KPNA1: variants seen among roughly 807,000 people sequenced by gnomAD.
The protein encoded by KPNA1 is karyopherin subunit alpha 1, also known as importin subunit alpha-5.
A neutral mutation model predicts 70.5 loss-of-function variants in KPNA1; 10 were observed. That is an observed-to-expected ratio of 0.14 (90% CI 0.09 to 0.24). KPNA1 has a LOEUF of 0.24. Ranked by LOEUF, KPNA1 falls within the 10% of genes least tolerant of loss-of-function variation. KPNA1 has a pLI of 1.00. For synonymous variants in KPNA1, 192 were observed against 221.9 expected (o/e 0.87, Z 1.20); for missense variants, 397 against 637.9 (o/e 0.62, Z 4.07).
At chr3:122,431,042 CTTT>C (rs575191498) in intron 12 of KPNA1, among the ~76,000 whole-genome samples, 76 of 152,328 alleles carry the variant, frequency 5.0e-4, no homozygotes, top group Middle Eastern at 3.4e-3. Flanking sequence ...AGTTTCACTT[CTTT>C]GATGAATGTT....
At position 122,461,843 on chromosome 3, in the gene KPNA1, T is replaced by C. The variant is rs528997002; in HGVS notation, c.338-525A>G. 3.2e-4 allele frequency among the ~76,000 whole-genome samples: 49 copies of C among 152,332 alleles called. 2 individuals are homozygous for C. In the South Asian group the frequency reaches 7.0e-3, roughly 22 times the overall value. The stretch of plus-strand genomic sequence containing the variant: ...TCATTCATGATAATACAGTATCCTA[T>C]AAATGATGTCACTCAATAAAAACTT... On this transcript the variant is annotated intron_variant, in intron 4 of 13. Transcript: ENST00000344337.
intron 1 of KPNA1, among the ~76,000 whole-genome samples, chr3:122,500,639 G>A (rs370404259): frequency 3.6e-4 from 55 of 151,968 alleles, no homozygotes; most frequent in African/African-American, 1.2e-3. Context: ...TGGGACTACA[G>A]GTGCATGCCC....
intron 2 of KPNA1, among the ~76,000 whole-genome samples, chr3:122,468,189 C>T (rs1242006639): frequency 6.6e-6 from 1 of 152,090 alleles, no homozygotes; most frequent in Non-Finnish European, 1.5e-5. Flanking sequence ...CAAGATAAGC[C>T]CCAATACTGC....
intron 2 of KPNA1, among the ~76,000 whole-genome samples, chr3:122,480,915 G>C (rs1205844028): frequency 2.6e-5 from 4 of 152,100 alleles, no homozygotes; most frequent in Non-Finnish European, 5.9e-5. Flanking sequence ...CTTGACCCTG[G>C]GAGCTCAAAG....
At chr3:122,442,800 CAT>C (rs2076081537) in intron 9 of KPNA1, 1 of 152,292 alleles carries the variant, frequency 6.6e-6, no homozygotes, top group African/African-American at 2.4e-5. Flanking sequence ...TCAAATTTAA[CAT>C]GTGATGATTA....
chr3:122,448,954 A>C (rs2076170168), intron 9 of KPNA1, among the ~76,000 whole-genome samples: 1 of 152,210 alleles, frequency 6.6e-6, no homozygotes, highest in African/African-American at 2.4e-5. Flanking sequence ...GTATTAATAC[A>C]TTATAACTAT....
chr3:122,485,873 A>T (rs903012305), intron 2 of KPNA1, among the ~76,000 whole-genome samples: 1 of 152,252 alleles, frequency 6.6e-6, no homozygotes, highest in South Asian at 2.1e-4. Context: ...TTTTTAAAAA[A>T]GAAAAGATGC....
intron 1 of KPNA1, among the ~76,000 whole-genome samples, chr3:122,498,232 T>G (rs1175704550): frequency 6.6e-6 from 1 of 152,240 alleles, no homozygotes; most frequent in African/African-American, 2.4e-5. Context: ...GTGATAGTGT[T>G]TGAAGGTGAA....
At chr3:122,446,568 C>G (rs1273576006) in intron 9 of KPNA1, among the ~76,000 whole-genome samples, 2 of 152,226 alleles carry the variant, frequency 1.3e-5, no homozygotes, top group African/African-American at 4.8e-5. Flanking sequence ...CAAGAGAAAG[C>G]AGGAAAGATC....
At chr3:122,464,285 A>G (rs1412680866) in intron 3 of KPNA1, 2 of 345,658 alleles carry the variant, frequency 5.8e-6, no homozygotes, top group Admixed American at 4.7e-5. Context: ...TAAGACAAGG[A>G]GCTTATTGCT....
chr3:122,514,188 C>A (rs768133422), intron 1 of KPNA1, among the ~76,000 whole-genome samples: 4 of 152,246 alleles, frequency 2.6e-5, no homozygotes, highest in Non-Finnish European at 4.4e-5. Flanking sequence ...GTTATGACAT[C>A]GGTAAACTGC....
intron 3 of KPNA1, among the ~76,000 whole-genome samples, chr3:122,466,745 A>G (rs1412660749): frequency 3.3e-5 from 5 of 152,118 alleles, no homozygotes; most frequent in South Asian, 4.1e-4. Context: ...TGATGGCTCA[A>G]GCTTGTAATT....
intron 2 of KPNA1, among the ~76,000 whole-genome samples, chr3:122,491,799 G>A (rs1470964694): frequency 2.0e-5 from 2 of 97,624 alleles, no homozygotes; most frequent in Non-Finnish European, 2.3e-5. Flanking sequence ...TCATTTAATC[G>A]TTAGTTATAA....
At chr3:122,496,704 C>T (rs919127745) in intron 1 of KPNA1, 134 bp from the exon 2 acceptor site, 5 of 709,066 alleles carry the variant, frequency 7.1e-6, no homozygotes, top group Non-Finnish European at 1.2e-5. Flanking sequence ...TTCCCCTCCC[C>T]CACTCCTGTC....
At chr3:122,493,279 A>G (rs1301215723) in intron 2 of KPNA1, among the ~76,000 whole-genome samples, 2 of 152,142 alleles carry the variant, frequency 1.3e-5, no homozygotes, top group Non-Finnish European at 2.9e-5. Context: ...AGACATACAG[A>G]TTAAAAATAG....
At chr3:122,447,036 C>A (rs1228161383) in intron 9 of KPNA1, among the ~76,000 whole-genome samples, 3 of 152,094 alleles carry the variant, frequency 2.0e-5, no homozygotes, top group Non-Finnish European at 4.4e-5. Context: ...TAATAGCCTA[C>A]CAACCAAAAA....
chr3:122,477,050 G>A (rs1203001758), intron 2 of KPNA1, among the ~76,000 whole-genome samples: 3 of 151,946 alleles, frequency 2.0e-5, no homozygotes, highest in Admixed American at 2.0e-4. Flanking sequence ...TCAGATGAAT[G>A]GAGCAAAAAA....
intron 1 of KPNA1, among the ~76,000 whole-genome samples, chr3:122,500,733 G>A (rs764557658): frequency 3.1e-4 from 47 of 151,858 alleles, no homozygotes; most frequent in Admixed American, 1.1e-3. Context: ...CGAACTCCTG[G>A]GCTCAAGTGA....
intron 2 of KPNA1, among the ~76,000 whole-genome samples, chr3:122,473,084 A>T (rs2076460767): frequency 6.6e-6 from 1 of 152,152 alleles, no homozygotes; most frequent in Admixed American, 6.5e-5. Flanking sequence ...GTCTCAAAAA[A>T]ATAAAAATAA....
Sources: gnomAD v4.1 joint callset for allele counts (sites outside exome capture counted in the v4.1 genomes callset) on GRCh38, gnomAD v4.1.1 for gene constraint, MANE v1.5 for transcripts, NCBI Gene and HGNC (gene_info 2026-07-23, HGNC 2026-07-21) for gene names.